Variants in BACH2 observed in about 807,000 individuals in gnomAD.
BACH2 encodes the protein BACH transcriptional regulator 2.
In BACH2, 5 loss-of-function variants were observed where a neutral mutation model predicts 61.8. The observed-to-expected ratio is 0.08, with a 90% CI of 0.04 to 0.17. The LOEUF is 0.17. Ranked by LOEUF, BACH2 falls within the 10% of genes least tolerant of loss-of-function variation. The probability of loss-of-function intolerance (pLI) is 1.00; values close to 1 mark genes in which losing one functional copy is unlikely to be tolerated. For missense variants in BACH2, 824 were observed against 1,091.1 expected (o/e 0.76, Z 3.45); for synonymous variants, 446 against 440.1 (o/e 1.01, Z -0.17).
chr6:90,065,262 C>T (rs910253579), intron 5 of BACH2, among the ~76,000 whole-genome samples: 4 of 114,288 alleles, frequency 3.5e-5, no homozygotes, highest in Admixed American at 1.0e-4. Context: ...CACCCCCTGC[C>T]GCCCCCACTT....
chr6:90,164,534 A>C (rs1767537884), intron 4 of BACH2, among the ~76,000 whole-genome samples: 1 of 152,130 alleles, frequency 6.6e-6, no homozygotes, highest in African/African-American at 2.4e-5. Flanking sequence ...ATCAATAGAA[A>C]AAGAGGGAAT....
chr6:90,213,843 A>C (rs750134781), intron 3 of BACH2, among the ~76,000 whole-genome samples: 18 of 152,296 alleles, frequency 1.2e-4, no homozygotes, highest in Middle Eastern at 3.4e-3. Context: ...GCACCAGTTG[A>C]ACCTATTTCC....
At chr6:90,057,919 A>G (rs1018882794) in intron 5 of BACH2, among the ~76,000 whole-genome samples, 1 of 152,234 alleles carries the variant, frequency 6.6e-6, no homozygotes, top group Admixed American at 6.5e-5. Flanking sequence ...ACAAAATTCA[A>G]CAATGCTTCA....
chr6:90,193,720 G>A (rs1768656664), intron 4 of BACH2, among the ~76,000 whole-genome samples: 1 of 152,192 alleles, frequency 6.6e-6, no homozygotes, highest in South Asian at 2.1e-4. Flanking sequence ...GAAACTAGTT[G>A]TGTCAAACCA....
intron 4 of BACH2, among the ~76,000 whole-genome samples, chr6:90,093,695 GTCC>G (rs1199088728): frequency 2.0e-5 from 3 of 152,126 alleles, no homozygotes; most frequent in Non-Finnish European, 4.4e-5. Context: ...ACCCAATATA[GTCC>G]TTCAATAGGT....
chr6:90,294,222 G>GA (rs1772265643), intron 1 of BACH2, among the ~76,000 whole-genome samples: 1 of 152,158 alleles, frequency 6.6e-6, no homozygotes, highest in African/African-American at 2.4e-5. Flanking sequence ...TAGACAGACA[G>GA]CAGAAGAATT....
intron 5 of BACH2, among the ~76,000 whole-genome samples, chr6:90,027,291 C>A (rs1778684143): frequency 1.3e-5 from 2 of 152,160 alleles, no homozygotes; most frequent in Non-Finnish European, 2.9e-5. Context: ...AAGTCCCTGT[C>A]CTGTCCTTGG....
intron 6 of BACH2, among the ~76,000 whole-genome samples, chr6:90,007,711 C>G (rs780888445): frequency 1.1e-4 from 16 of 152,164 alleles, no homozygotes; most frequent in Admixed American, 4.6e-4. Flanking sequence ...CCACACAACT[C>G]TAGGGAATCT....
intron 5 of BACH2, among the ~76,000 whole-genome samples, chr6:90,070,191 G>A (rs1465211387): frequency 6.6e-6 from 1 of 152,128 alleles, no homozygotes; most frequent in Non-Finnish European, 1.5e-5. Flanking sequence ...ACCCACCTAC[G>A]GACAGCACAC....
At chr6:90,133,555 T>C (rs1286270208) in intron 4 of BACH2, among the ~76,000 whole-genome samples, 2 of 152,214 alleles carry the variant, frequency 1.3e-5, no homozygotes, top group Non-Finnish European at 2.9e-5. Context: ...TTATTTTTTA[T>C]TGTACTTTAA....
rs564780444 is a variant in BACH2 at position 90,071,918 on chromosome 6, T to G, written c.-13+17043A>C. Reference sequence around the variant, plus strand: ...TGAGAGTGGATCATCATAAAGGGCTTCATCCTCACGGTATTCACATTGAGC... The same window carrying G: ...TGAGAGTGGATCATCATAAAGGGCTGCATCCTCACGGTATTCACATTGAGC... On this transcript the variant is annotated intron_variant, in intron 5 of 8. Coordinates refer to ENST00000257749, the MANE Select transcript of BACH2 (RefSeq NM_021813.4). Among the ~76,000 whole-genome samples the G allele has an allele frequency of 4.6e-5, 7 of 152,260 alleles. No homozygotes were observed. The South Asian group carries it at 1.5e-3, about 32-fold the overall frequency.
chr6:90,119,198 T>C (rs1485190530), intron 4 of BACH2, among the ~76,000 whole-genome samples: 1 of 152,220 alleles, frequency 6.6e-6, no homozygotes, highest in African/African-American at 2.4e-5. Context: ...TATCTGCATG[T>C]TGTAGGAACT....
intron 6 of BACH2, among the ~76,000 whole-genome samples, chr6:89,978,459 T>C (rs139902047): frequency 2.5e-3 from 387 of 152,224 alleles, no homozygotes; most frequent in African/African-American, 8.9e-3. Context: ...CATTCATGCA[T>C]TGTAATTAAC....
At chr6:90,256,765 G>A (rs567499939) in intron 2 of BACH2, among the ~76,000 whole-genome samples, 1 of 152,032 alleles carries the variant, frequency 6.6e-6, no homozygotes, top group African/African-American at 2.4e-5. Context: ...TTTATGTTAA[G>A]AGCAGCTAAA....
intron 4 of BACH2, among the ~76,000 whole-genome samples, chr6:90,168,395 G>A (rs902627173): frequency 1.3e-5 from 2 of 151,930 alleles, no homozygotes; most frequent in East Asian, 3.9e-4. Context: ...TAAAAAACAT[G>A]GAAATTCAAA....
At chr6:90,045,943 C>T (rs1344852108) in intron 5 of BACH2, among the ~76,000 whole-genome samples, 2 of 152,190 alleles carry the variant, frequency 1.3e-5, no homozygotes, top group African/African-American at 4.8e-5. Context: ...GTCTTACAGG[C>T]TTCTCTCCCC....
chr6:89,970,700 C>T (rs971370280), intron 6 of BACH2, among the ~76,000 whole-genome samples: 5 of 139,978 alleles, frequency 3.6e-5, no homozygotes, highest in Non-Finnish European at 7.4e-5. Context: ...TTGTTTCTGG[C>T]CCCCCCCAGA....
At chr6:90,170,020 A>G (rs567712939) in intron 4 of BACH2, among the ~76,000 whole-genome samples, 2 of 152,318 alleles carry the variant, frequency 1.3e-5, no homozygotes, top group South Asian at 4.1e-4. Context: ...ATTGTGATCA[A>G]TATTTCTATT....
intron 6 of BACH2, among the ~76,000 whole-genome samples, chr6:89,970,287 G>A (rs1006606194): frequency 2.6e-5 from 4 of 152,182 alleles, no homozygotes; most frequent in Non-Finnish European, 5.9e-5. Context: ...TCTGTGCCCC[G>A]AAGTGAAGCG....
Sources: allele counts gnomAD v4.1 joint callset (sites outside exome capture counted in the v4.1 genomes callset), GRCh38; gene constraint gnomAD v4.1.1; transcripts MANE v1.5; gene names NCBI Gene and HGNC (gene_info 2026-07-23, HGNC 2026-07-21).